Variants in NR3C1 observed in about 807,000 individuals in gnomAD.
The protein encoded by NR3C1 is nuclear receptor subfamily 3 group C member 1.
In NR3C1, 14 loss-of-function variants were observed where a neutral mutation model predicts 74.0. That is an observed-to-expected ratio of 0.19 (90% confidence interval 0.12 to 0.30). NR3C1 has a LOEUF of 0.30. NR3C1 is among the 10% of genes least tolerant of loss of function. NR3C1 has a pLI of 1.00. For synonymous variants in NR3C1, 308 were observed against 332.5 expected (o/e 0.93, Z 0.80); for missense variants, 695 against 909.8 (o/e 0.76, Z 3.04).
At chr5:143,390,023 G>A (rs1305381582) in intron 2 of NR3C1, 6 of 628,944 alleles carry the variant, frequency 9.5e-6, no homozygotes, top group African/African-American at 2.0e-5. Context: ...GCAGGCTGTT[G>A]TCACAAAGAA....
rs529403939 is a variant in NR3C1, at chr5:143,385,874, C to T, written c.1184+13782G>A. 4.9e-4 allele frequency among the ~76,000 whole-genome samples: 75 copies of T among 152,304 alleles called. 1 individual carries two copies. The highest frequency in any genetic ancestry group is 8.5e-4 in the Non-Finnish European group (58 of 68,024). On this transcript the variant is annotated intron_variant, in intron 2 of 8. Transcript: ENST00000394464. ...CATTATCCAGTTACAAAGTTGCTTC[C>T]GCATTTTCATGTATCTTTATAGCAA...
intron 2 of NR3C1, among the ~76,000 whole-genome samples, chr5:143,347,368 T>C (rs1037630702): frequency 3.5e-4 from 54 of 152,238 alleles, no homozygotes; most frequent in African/African-American, 1.3e-3. Context: ...AAAGAAAAAC[T>C]TGCACTTGAA....
Position 143,281,689 on chromosome 5 carries a change from G to C in NR3C1, c.*200C>G. On this transcript the variant is annotated 3_prime_UTR_variant, in exon 9 of 9. Coordinates refer to ENST00000394464, the MANE Select transcript of NR3C1 (RefSeq NM_000176.3). ...TTTCACCATCTACTCTCCCATCACTGAAAAGTGATGACGACTCAACTGCTT... is the reference window on the plus strand; with the variant it reads ...TTTCACCATCTACTCTCCCATCACTCAAAAGTGATGACGACTCAACTGCTT... 1.8e-6 allele frequency: 1 copy of C among 564,850 alleles called. No homozygotes were observed. Among genetic ancestry groups the C allele is most frequent in the Non-Finnish European group, 3.1e-6 (1 of 318,464 alleles). 35.0% of individuals were successfully genotyped at this position (564,850 alleles called of 1,614,324 possible).
intron 1 of NR3C1, among the ~76,000 whole-genome samples, chr5:143,426,252 G>T (rs777576383): frequency 1.2e-4 from 19 of 152,136 alleles, no homozygotes; most frequent in Non-Finnish European, 2.4e-4. Flanking sequence ...ACTACTAATA[G>T]AACCAGAGTT....
In NR3C1 at chr5:143,403,652, C is replaced by G; in HGVS notation, c.-455G>C. The G allele has an allele frequency of 1.0e-6, 1 of 985,106 alleles. No homozygotes were observed. The highest frequency in any genetic ancestry group is 1.2e-6 in the Non-Finnish European group (1 of 829,616). The allele number at this position is 985,106 out of a possible 1,614,324, so 61.0% of individuals were successfully genotyped here. On this transcript the variant is annotated 5_prime_UTR_variant, in exon 1 of 9. Coordinates refer to ENST00000394464, the MANE Select transcript of NR3C1 (RefSeq NM_000176.3). ...GAAAGGGCAGCCCGGCCTGGGCGAG[C>G]GAGCGGGACCGAGCGGGGAGCGGGT...
intron 2 of NR3C1, among the ~76,000 whole-genome samples, chr5:143,351,120 C>T (rs144246625): frequency 5.9e-5 from 9 of 152,324 alleles, no homozygotes; most frequent in African/African-American, 2.2e-4. Context: ...TTAGTAATGA[C>T]TCATATAACT....
chr5:143,333,920 A>G (rs1826555333), intron 2 of NR3C1, among the ~76,000 whole-genome samples: 1 of 152,238 alleles, frequency 6.6e-6, no homozygotes, highest in East Asian at 1.9e-4. Flanking sequence ...ACTTTTTGAA[A>G]TTACTTTTTA....
intron 2 of NR3C1, chr5:143,332,752 A>G: frequency 6.3e-7 from 1 of 1,587,898 alleles, no homozygotes; most frequent in Non-Finnish European, 8.6e-7. Context: ...CCAGATAAAC[A>G]TTCCTTGGCC....
In NR3C1 at chr5:143,279,413, T is replaced by G; in HGVS notation, c.*2476A>C. The G allele has an allele frequency of 6.5e-7, 1 of 1,530,878 alleles. No individual in the cohort carries two copies. 94.8% of individuals were successfully genotyped at this position (1,530,878 alleles called of 1,614,324 possible). A position where few individuals can be genotyped will look rare whatever the true frequency, so the allele number is the denominator to read the frequency against. ...TTCTGGTTTTAACCACATAACATTC[T>G]ATAAAGGAATGATAATCTACGTTTT... On this transcript the variant is annotated 3_prime_UTR_variant, in exon 9 of 9. Coordinates refer to ENST00000394464, the MANE Select transcript of NR3C1 (RefSeq NM_000176.3).
At chr5:143,423,111 C>A (rs1205549907) in intron 1 of NR3C1, among the ~76,000 whole-genome samples, 3 of 152,098 alleles carry the variant, frequency 2.0e-5, no homozygotes, top group Admixed American at 6.6e-5. Context: ...GCACAGTCAA[C>A]CAGTGCAAAA....
At chr5:143,412,469 T>C (rs1428091654) in intron 1 of NR3C1, among the ~76,000 whole-genome samples, 1 of 152,174 alleles carries the variant, frequency 6.6e-6, no homozygotes, top group Non-Finnish European at 1.5e-5. Context: ...ACTCTCACAC[T>C]GAATCACCCT....
rs950499221 is a variant in NR3C1 at position 143,278,217 on chromosome 5, C to G, written c.*3672G>C. The G allele has an allele frequency of 2.0e-5, 3 of 151,996 alleles. No homozygotes were observed. The highest frequency in any genetic ancestry group is 2.9e-5 in the Non-Finnish European group (2 of 67,980). 9.4% of individuals were successfully genotyped at this position (151,996 alleles called of 1,614,324 possible). A position where few individuals can be genotyped will look rare whatever the true frequency, so the allele number is the denominator to read the frequency against. On this transcript the variant is annotated 3_prime_UTR_variant, in exon 9 of 9. Coordinates refer to ENST00000394464, the MANE Select transcript of NR3C1 (RefSeq NM_000176.3). ...CAGGAGTCACTGGTTTTAATTTTTA[C>G]ACATTTTAAAATTACTGTGATAAAA...
At chr5:143,310,294 G>T in intron 3 of NR3C1, 81 bp from the exon 4 acceptor site, 1 of 1,016,384 alleles carries the variant, frequency 9.8e-7, no homozygotes, top group Non-Finnish European at 1.5e-6. Flanking sequence ...CTTTGTTTCC[G>T]GTGGAATATA....
intron 2 of NR3C1, among the ~76,000 whole-genome samples, chr5:143,397,206 G>A (rs1476398224): frequency 6.6e-6 from 1 of 151,582 alleles, no homozygotes. Flanking sequence ...AACAATTTTA[G>A]GTGGCATTTT....
chr5:143,412,436 C>T (rs1841325343), intron 1 of NR3C1, among the ~76,000 whole-genome samples: 1 of 151,952 alleles, frequency 6.6e-6, no homozygotes, highest in Non-Finnish European at 1.5e-5. Flanking sequence ...TTTTTTCTCA[C>T]ATTTGGCAAT....
chr5:143,364,277 T>C (rs944144100), intron 2 of NR3C1, among the ~76,000 whole-genome samples: 1 of 152,208 alleles, frequency 6.6e-6, no homozygotes, highest in African/African-American at 2.4e-5. Context: ...AACCAAGAAT[T>C]CTGTATCCTG....
intron 2 of NR3C1, among the ~76,000 whole-genome samples, chr5:143,386,126 G>C (rs994770201): frequency 2.6e-4 from 39 of 152,180 alleles, no homozygotes; most frequent in African/African-American, 9.2e-4. Context: ...TGAGTGAAGA[G>C]GGAAGTGCCA....
At chr5:143,298,227 G>C (rs1817732743) in intron 6 of NR3C1, among the ~76,000 whole-genome samples, 1 of 152,180 alleles carries the variant, frequency 6.6e-6, no homozygotes, top group African/African-American at 2.4e-5. Flanking sequence ...GACACTGGGT[G>C]AGCCTTGCCA....
At chr5:143,331,364 A>G (rs1349663608) in intron 2 of NR3C1, among the ~76,000 whole-genome samples, 1 of 152,218 alleles carries the variant, frequency 6.6e-6, no homozygotes. Context: ...CATTGTGGAA[A>G]GCAGTTTGAT....
Sources: allele counts gnomAD v4.1 joint callset (sites outside exome capture counted in the v4.1 genomes callset), GRCh38; gene constraint gnomAD v4.1.1; transcripts MANE v1.5; gene names NCBI Gene and HGNC (gene_info 2026-07-23, HGNC 2026-07-21).